Variants in CD3E observed in about 807,000 individuals in gnomAD.
CD3E encodes CD3 epsilon subunit of T-cell receptor complex.
A neutral mutation model predicts 34.7 loss-of-function variants in CD3E; 16 were observed. The observed-to-expected ratio is 0.46, with a 90% CI of 0.31 to 0.70. The LOEUF is 0.70. Ranked by LOEUF, CD3E falls within the 30% of genes least tolerant of loss-of-function variation. CD3E has a pLI of 0.05. For synonymous variants in CD3E, 70 were observed against 90.8 expected, an observed-to-expected ratio of 0.77 and a Z score of 1.30; for missense variants, 223 against 253.9, an observed-to-expected ratio of 0.88 and a Z score of 0.83.
chr11:118,312,071 A>T, intron 4 of CD3E, 82 bp from the exon 5 acceptor site: 1 of 1,214,058 alleles, frequency 8.2e-7, no homozygotes, highest in Non-Finnish European at 1.2e-6. Context: ...GGCAGTGTCT[A>T]ATTCCACTAG....
At chr11:118,307,528 A>G (rs570384306) in intron 3 of CD3E, among the ~76,000 whole-genome samples, 1 of 152,344 alleles carries the variant, frequency 6.6e-6, no homozygotes, top group African/African-American at 2.4e-5. Context: ...TTAACCATAC[A>G]AAAGAAAAAT....
intron 7 of CD3E, 148 bp from the exon 8 acceptor site, chr11:118,314,300 A>G: frequency 1.4e-6 from 1 of 715,390 alleles, no homozygotes; most frequent in Non-Finnish European, 2.5e-6. Context: ...AAGAAAAAAA[A>G]AGAGAAAGGA....
chr11:118,313,479 A>G (rs147860971), intron 6 of CD3E: 59 of 567,840 alleles, frequency 1.0e-4, no homozygotes, highest in African/African-American at 9.9e-4. Flanking sequence ...CTAGTGAGTA[A>G]TAAAGCTGGG....
Position 118,309,777 on chromosome 11 carries a change from T to C in CD3E, c.85+1336T>C, listed in dbSNP as rs143883844. 1.9e-3 allele frequency among the ~76,000 whole-genome samples: 288 copies of C among 152,272 alleles called. 1 individual carries two copies. Among genetic ancestry groups the C allele is most frequent in the Non-Finnish European group, 3.3e-3 (225 of 68,000 alleles). ...TTAAGGAAACAAAGCCTCAAATAAATACAGAAATAAACAAAAATAAGTAAA... is the reference window on the plus strand; with the variant it reads ...TTAAGGAAACAAAGCCTCAAATAAACACAGAAATAAACAAAAATAAGTAAA... On this transcript the variant is annotated intron_variant, in intron 4 of 8. Coordinates refer to ENST00000361763, the MANE Select transcript of CD3E (RefSeq NM_000733.4).
chr11:118,305,286 T>C (rs1428529082), intron 2 of CD3E, among the ~76,000 whole-genome samples: 1 of 152,212 alleles, frequency 6.6e-6, no homozygotes, highest in Non-Finnish European at 1.5e-5. Flanking sequence ...CATTCCAACT[T>C]ACCCAGCCCT....
Position 118,313,824 on chromosome 11 carries a change from C to T in CD3E, c.470C>T (p.Ala157Val), listed in dbSNP as rs140639753. The part of the protein sequence containing the change: ...LVYYWSKNRK[A>V]KAKPVTRGAG... ...TACTACTGGAGCAAGAATAGAAAGG[C>T]CAAGGCCAAGCCTGTGACACGAGGA... Residue 157 changes from alanine (A) to valine (V), a missense_variant, in exon 7 of 9, where the codon GCC (alanine) becomes GTC (valine). By Grantham distance (64) the Ala-to-Val change is moderately conservative. Transcript: ENST00000361763. The T allele has an allele frequency of 1.7e-4, 267 of 1,614,022 alleles. No homozygotes were observed. The African/African-American group carries it at 3.2e-3, about 19-fold the overall frequency.
intron 3 of CD3E, 43 bp downstream of exon 3, chr11:118,307,351 A>G: frequency 3.2e-6 from 5 of 1,565,456 alleles, no homozygotes; most frequent in South Asian, 2.2e-5. Context: ...AAATCACCCC[A>G]TCATTCTTTG....
intron 8 of CD3E, 65 bp downstream of exon 8, chr11:118,314,559 G>T: frequency 6.8e-7 from 1 of 1,461,806 alleles, no homozygotes; most frequent in South Asian, 1.2e-5. Context: ...GAAGGAAACA[G>T]ATGGGATGGC....
chr11:118,313,584 C>A, intron 6 of CD3E, 123 bp from the exon 7 acceptor site: 1 of 896,806 alleles, frequency 1.1e-6, no homozygotes, highest in Non-Finnish European at 1.8e-6. Flanking sequence ...AGGGGGGGCT[C>A]TGACCGTGGC....
At chr11:118,310,373 G>A (rs911200166) in intron 4 of CD3E, among the ~76,000 whole-genome samples, 2 of 152,190 alleles carry the variant, frequency 1.3e-5, no homozygotes, top group African/African-American at 4.8e-5. Flanking sequence ...AGAACATGTG[G>A]TATTTGGTTT....
chr11:118,307,315 T>C lies in CD3E; in HGVS notation c.70+7T>C, dbSNP rs1344530532. ...GGCGTTTGGGGGCAAGATGGTGAGA[T>C]ATGCTTTCTTTCTTTCTTTTTTATG... On this transcript the variant is annotated splice_region_variant and intron_variant, in intron 3 of 8. Coordinates refer to ENST00000361763, the MANE Select transcript of CD3E (RefSeq NM_000733.4). 5.0e-6 allele frequency: 8 copies of C among 1,604,024 alleles called. No individual in the cohort carries two copies. Among genetic ancestry groups the C allele is most frequent in the Non-Finnish European group, 6.8e-6 (8 of 1,173,372 alleles).
At chr11:118,306,821 T>C (rs1213884724) in intron 2 of CD3E, among the ~76,000 whole-genome samples, 1 of 152,040 alleles carries the variant, frequency 6.6e-6, no homozygotes, top group Non-Finnish European at 1.5e-5. Flanking sequence ...AATATTTCCA[T>C]CTCTGTCTCA....
rs201952371 is a variant in CD3E, at chr11:118,315,690, G to A, written c.*148G>A. ...CTCGCGCCCTCCAGCCTGATCCCCC[G>A]CTCCCTCCTCCCTGCCTTCTCTGCT... On this transcript the variant is annotated 3_prime_UTR_variant, in exon 9 of 9. Transcript: ENST00000361763. 4.1e-5 allele frequency: 29 copies of A among 711,862 alleles called. No individual in the cohort carries two copies. The highest frequency in any genetic ancestry group is 3.5e-5 in the African/African-American group (2 of 57,232). The allele number at this position is 711,862 out of a possible 1,614,324, so 44.1% of individuals were successfully genotyped here.
intron 6 of CD3E, 150 bp from the exon 7 acceptor site, chr11:118,313,557 T>C: frequency 1.3e-6 from 1 of 747,182 alleles, no homozygotes; most frequent in Non-Finnish European, 2.3e-6. Context: ...TTGTCAATGT[T>C]GTTCTAAACA....
chr11:118,310,298 T>A (rs529615982), intron 4 of CD3E, among the ~76,000 whole-genome samples: 1 of 152,254 alleles, frequency 6.6e-6, no homozygotes, highest in East Asian at 1.9e-4. Context: ...TTCTGAGAGG[T>A]CCCAGTGTGT....
chr11:118,308,452 T>G lies in CD3E; in HGVS notation c.85+11T>G, dbSNP rs199550655. On this transcript the variant is annotated intron_variant, in intron 4 of 8. Coordinates refer to ENST00000361763, the MANE Select transcript of CD3E (RefSeq NM_000733.4). ...GTAATGAAGAAATGGGTAAGAAGAT[T>G]TCCACTCTATCTAGCAAAAGTTTTC... 4 of 1,570,326 alleles carry G rather than the reference T, an allele frequency of 2.5e-6. No homozygotes were observed. The highest frequency in any genetic ancestry group is 3.5e-6 in the Non-Finnish European group (4 of 1,142,618).
rs2298821 is a variant in CD3E, at chr11:118,314,425, T to C, written c.521-23T>C. 0.31 allele frequency: 496,568 copies of C among 1,606,628 alleles called. 80,181 individuals are homozygous for C. Among genetic ancestry groups the C allele is most frequent in the Admixed American group, 0.48 (28,505 of 59,716 alleles). On this transcript the variant is annotated intron_variant, in intron 7 of 8. Transcript: ENST00000361763. The stretch of plus-strand genomic sequence containing the variant: ...GATTGGTTCCCTCATGGGAATGAAA[T>C]GTTTCCCCTCCTTCCTCCGCAGGAC...
chr11:118,312,022 G>T (rs549441338), intron 4 of CD3E, 131 bp from the exon 5 acceptor site: 18 of 788,684 alleles, frequency 2.3e-5, no homozygotes, highest in Non-Finnish European at 3.0e-5. Context: ...AAGACTCGGG[G>T]TTCCTAAATG....
chr11:118,313,344 AAGGATTC>A (rs1948146765), intron 6 of CD3E: 3 of 379,202 alleles, frequency 7.9e-6, no homozygotes, highest in African/African-American at 2.1e-5. Flanking sequence ...AACACTTATC[AAGGATTC>A]TTTTTCATGT....
Sources: gnomAD v4.1 joint callset for allele counts (sites outside exome capture counted in the v4.1 genomes callset) on GRCh38, gnomAD v4.1.1 for gene constraint, MANE v1.5 for transcripts, NCBI Gene and HGNC (gene_info 2026-07-23, HGNC 2026-07-21) for gene names.